Variants in CACNA1B observed in about 807,000 individuals in gnomAD.
CACNA1B encodes calcium voltage-gated channel subunit alpha1 B.
In CACNA1B, 70 loss-of-function variants were observed where a neutral mutation model predicts 247.2. The observed-to-expected ratio is 0.28, with a 90% CI of 0.23 to 0.35. CACNA1B has a LOEUF of 0.35. Among genes scored for constraint, CACNA1B ranks in the 10% least tolerant of loss-of-function variants. The pLI, the probability that CACNA1B is intolerant of heterozygous loss-of-function variation, is 1.00. For missense variants in CACNA1B, 2,367 were observed against 3,197.4 expected, an observed-to-expected ratio of 0.74 and a Z score of 6.26; for synonymous variants, 1,231 against 1,294.4, an observed-to-expected ratio of 0.95 and a Z score of 1.05.
chr9:137,914,679 C>T lies in CACNA1B; in HGVS notation c.648C>T (p.Ile216=), dbSNP rs745795777. 1 of 1,613,962 alleles carries T rather than the reference C, an allele frequency of 6.2e-7. No individual in the cohort carries two copies. Among genetic ancestry groups the T allele is most frequent in the Non-Finnish European group, 8.5e-7 (1 of 1,179,836 alleles). ...GTTTGCAGGTGGTGCTCAAGTCCAT[C>T]ATGAAGGCCATGGTTCCACTCCTGC... ...IPSLQVVLKS[I]MKAMVPLLQI... Residue 216 remains isoleucine (I), a synonymous_variant, in exon 5 of 47, where the codon ATC becomes ATT. Coordinates refer to ENST00000371372, the MANE Select transcript of CACNA1B (RefSeq NM_000718.4). The surrounding 1 kb of genome is among the most constrained non-coding windows in gnomAD (Gnocchi z 4.3).
chr9:138,043,766 C>A lies in CACNA1B; in HGVS notation c.3287-8C>A, dbSNP rs1199652268. On this transcript the variant is annotated splice_polypyrimidine_tract_variant and splice_region_variant and intron_variant, in intron 20 of 46. Transcript: ENST00000371372. ...CACCCCTTACTCGGGGGCCCTGTGT[C>A]CTTGTAGGTGGTAACGTGGACCTGG... The A allele has an allele frequency of 3.1e-6, 5 of 1,613,842 alleles. No individual in the cohort carries two copies. The highest frequency in any genetic ancestry group is 4.2e-6 in the Non-Finnish European group (5 of 1,179,820).
intron 32 of CACNA1B, among the ~76,000 whole-genome samples, 199 bp downstream of exon 32, chr9:138,069,962 G>C (rs909151092): frequency 6.6e-6 from 1 of 152,184 alleles, no homozygotes; most frequent in African/African-American, 2.4e-5. Flanking sequence ...GGGCCCTCCT[G>C]GCAGCGATTT....
At chr9:137,997,685 G>T (rs1040423815) in intron 15 of CACNA1B, among the ~76,000 whole-genome samples, 7 of 152,188 alleles carry the variant, frequency 4.6e-5, no homozygotes, top group African/African-American at 1.7e-4. Context: ...ATTTAGAGAA[G>T]AAGTGGAGAA....
intron 3 of CACNA1B, among the ~76,000 whole-genome samples, chr9:137,893,472 A>G (rs1481165864): frequency 2.0e-5 from 3 of 151,496 alleles, no homozygotes; most frequent in Non-Finnish European, 4.4e-5. Context: ...AACATGGTGA[A>G]ACCCCATCTC....
intron 3 of CACNA1B, among the ~76,000 whole-genome samples, chr9:137,908,869 G>A (rs1012295448): frequency 6.6e-6 from 1 of 151,952 alleles, no homozygotes; most frequent in Non-Finnish European, 1.5e-5. Flanking sequence ...CTGACCTCGT[G>A]ATCCGTCCGC....
chr9:137,989,484 A>G (rs527837300), intron 15 of CACNA1B, among the ~76,000 whole-genome samples: 1 of 152,324 alleles, frequency 6.6e-6, no homozygotes, highest in South Asian at 2.1e-4. Flanking sequence ...TGCTCAGATG[A>G]TCAAGCAGGA....
At position 138,007,702 on chromosome 9, in the gene CACNA1B, GCCCGTGTT is replaced by G. The variant is rs771609785; in HGVS notation, c.2092+819_2092+826del. Among the ~76,000 whole-genome samples the G allele has an allele frequency of 6.6e-6, 1 of 152,138 alleles. No homozygotes were observed. The highest frequency in any genetic ancestry group is 1.5e-5 in the Non-Finnish European group (1 of 68,018). On this transcript the variant is annotated intron_variant, in intron 16 of 46. Transcript: ENST00000371372. The surrounding 1 kb of genome is among the most constrained non-coding windows in gnomAD (Gnocchi z 4.1). ...TGCATTCTCACAGGCTGCAGGGGGA[GCCCGTGTT>G]TCTGTTCTGGGGACCCCACTTTGAG...
Position 138,014,262 on chromosome 9 carries a change from G to T in CACNA1B, c.2267+1027G>T, listed in dbSNP as rs1259236056. On this transcript the variant is annotated intron_variant, in intron 18 of 46. Transcript: ENST00000371372. This position sits in a 1 kb window ranked among gnomAD's most constrained non-coding sequence, Gnocchi z 6.2. ...TGAGAGTTGCACAGTGAGCATGTGT[G>T]TGAGTGCATGTGCTGAGTGTGTGCA... Among the ~76,000 whole-genome samples the T allele has an allele frequency of 6.6e-6, 1 of 152,204 alleles. No individual in the cohort carries two copies. The highest frequency in any genetic ancestry group is 6.5e-5 in the Admixed American group (1 of 15,282).
intron 6 of CACNA1B, among the ~76,000 whole-genome samples, chr9:137,948,911 G>A (rs1405044015): frequency 1.3e-5 from 2 of 149,106 alleles, no homozygotes; most frequent in Admixed American, 1.3e-4. Context: ...GTGTGCGTGT[G>A]TTTGTGGTGT....
intron 39 of CACNA1B, among the ~76,000 whole-genome samples, chr9:138,106,552 G>A (rs778930758): frequency 6.6e-6 from 1 of 152,192 alleles, no homozygotes; most frequent in East Asian, 1.9e-4. Flanking sequence ...GGCGGATCAC[G>A]AGGTCAGGAG....
chr9:137,931,624 A>T (rs189055004), intron 6 of CACNA1B, among the ~76,000 whole-genome samples: 25 of 151,874 alleles, frequency 1.6e-4, no homozygotes, highest in Middle Eastern at 3.4e-3. Flanking sequence ...TTTTTTCTTC[A>T]GTAACTGCTT....
intron 37 of CACNA1B, among the ~76,000 whole-genome samples, chr9:138,099,955 T>C (rs1479122428): frequency 6.6e-6 from 1 of 152,244 alleles, no homozygotes; most frequent in Non-Finnish European, 1.5e-5. Flanking sequence ...TGCCATGTGC[T>C]GGGGCAGGGG....
rs1017104609 is a variant in CACNA1B at position 138,058,592 on chromosome 9, C to A, written c.4332C>A (p.Ile1444=). The change falls in exon 29 of 47, where the codon ATC becomes ATA. Residue 1444 remains isoleucine (I), a synonymous_variant. Coordinates refer to ENST00000371372, the MANE Select transcript of CACNA1B (RefSeq NM_000718.4). This position sits in a 1 kb window ranked among gnomAD's most constrained non-coding sequence, Gnocchi z 4.7. ...KNERACIDFA[I]SAKPLTRYMP... The stretch of plus-strand genomic sequence containing the variant: ...AGAGGGCTTGCATTGACTTCGCCAT[C>A]AGCGCCAAACCCCTGACACGGTACA... 8.1e-6 allele frequency: 13 copies of A among 1,611,650 alleles called. No individual in the cohort carries two copies. In the Admixed American group the frequency reaches 1.5e-4, roughly 19 times the overall value.
At position 138,007,125 on chromosome 9, in the gene CACNA1B, G is replaced by A. The variant is rs1341254045; in HGVS notation, c.2092+241G>A. ...GTGGGGGTATCCAGAGGTGGGGGTGGGTGCGGCCAGCAGCAGGCCCAGGAC... is the reference window on the plus strand; with the variant it reads ...GTGGGGGTATCCAGAGGTGGGGGTGAGTGCGGCCAGCAGCAGGCCCAGGAC... On this transcript the variant is annotated intron_variant, in intron 16 of 46. Transcript: ENST00000371372. The surrounding 1 kb of genome is among the most constrained non-coding windows in gnomAD (Gnocchi z 4.1). Among the ~76,000 whole-genome samples the A allele has an allele frequency of 6.6e-6, 1 of 152,118 alleles. No individual in the cohort carries two copies. The highest frequency in any genetic ancestry group is 1.5e-5 in the Non-Finnish European group (1 of 68,024).
intron 18 of CACNA1B, among the ~76,000 whole-genome samples, chr9:138,022,631 T>C (rs1407623000): frequency 6.6e-6 from 1 of 152,170 alleles, no homozygotes; most frequent in East Asian, 1.9e-4. Context: ...CCATCCGTCC[T>C]GCCCTTTGTA....
At chr9:138,110,897 T>C (rs1188533363) in intron 39 of CACNA1B, among the ~76,000 whole-genome samples, 1 of 151,898 alleles carries the variant, frequency 6.6e-6, no homozygotes, top group African/African-American at 2.4e-5. Flanking sequence ...AACAGAAGTG[T>C]CATCAAAGAA....
At chr9:137,963,375 T>C (rs1395308392) in intron 10 of CACNA1B, among the ~76,000 whole-genome samples, 1 of 152,182 alleles carries the variant, frequency 6.6e-6, no homozygotes, top group Non-Finnish European at 1.5e-5. Flanking sequence ...ATTTAGCCTA[T>C]TTACATTTAA....
rs200281537 is a variant in CACNA1B, at chr9:138,057,843, A to C, written c.4080A>C (p.Thr1360=). 54 of 1,608,386 alleles carry C rather than the reference A, an allele frequency of 3.4e-5. No individual in the cohort carries two copies. Among genetic ancestry groups the C allele is most frequent in the Middle Eastern group, 1.7e-4 (1 of 6,036 alleles). The change falls in exon 27 of 47, where the codon ACA becomes ACC. Residue 1360 remains threonine, a synonymous_variant. Coordinates refer to ENST00000371372, the MANE Select transcript of CACNA1B (RefSeq NM_000718.4). The surrounding 1 kb of genome is among the most constrained non-coding windows in gnomAD (Gnocchi z 4.0). ...NVLWALLTLF[T]VSTGEGWPMV... is the part of the protein sequence containing the mutation. ...TCTGGGCTCTGCTGACGCTGTTCAC[A>C]GTGTCCACGGGAGAAGGCTGGCCCA...
intron 24 of CACNA1B, among the ~76,000 whole-genome samples, 197 bp downstream of exon 24, chr9:138,049,512 G>C (rs1256906832): frequency 6.6e-6 from 1 of 152,190 alleles, no homozygotes. Flanking sequence ...TCTGTCTGTG[G>C]CTCTCAAACT....
Sources: gnomAD v4.1 joint callset for allele counts (sites outside exome capture counted in the v4.1 genomes callset) on GRCh38, gnomAD v4.1.1 for gene constraint, Gnocchi (gnomAD v3.1) non-coding constraint, MANE v1.5 for transcripts, NCBI Gene and HGNC (gene_info 2026-07-23, HGNC 2026-07-21) for gene names.